The following UBE2F variants were observed in gnomAD, a reference collection of about 807,000 sequenced individuals.
The protein encoded by UBE2F is ubiquitin conjugating enzyme E2 F (putative).
UBE2F carries 5 observed loss-of-function variants against 29.6 expected under a neutral mutation model. The ratio of observed to expected loss-of-function variants is 0.17; its 90% CI spans 0.09 to 0.36. The LOEUF (loss-of-function observed/expected upper bound fraction) is 0.36. Ranked by LOEUF, UBE2F falls within the 10% of genes least tolerant of loss-of-function variation. UBE2F has a pLI of 1.00. For missense variants in UBE2F, 141 were observed against 228.5 expected (o/e 0.62, Z 2.47); for synonymous variants, 66 against 81.8 (o/e 0.81, Z 1.04).
At chr2:237,973,719 A>AGCT in intron 2 of UBE2F, 1 of 1,285,300 alleles carries the variant, frequency 7.8e-7, no homozygotes, top group Non-Finnish European at 1.0e-6. Flanking sequence ...AGTGTTCTAG[A>AGCT]GTTTTCGTGA....
At position 238,042,118 on chromosome 2, in the gene UBE2F, G is replaced by A. The variant is rs538567120; in HGVS notation, c.*780G>A. 2 of 152,260 alleles carry A rather than the reference G, an allele frequency of 1.3e-5. No homozygotes were observed. The highest frequency in any genetic ancestry group is 4.8e-5 in the African/African-American group (2 of 41,452). The allele number at this position is 152,260 out of a possible 1,614,324, so 9.4% of individuals were successfully genotyped here. A position where few individuals can be genotyped will look rare whatever the true frequency, so the allele number is the denominator to read the frequency against. On this transcript the variant is annotated 3_prime_UTR_variant, in exon 10 of 10. Transcript: ENST00000272930. ...CTTAAAAATCAGCTCTTGCTTTCGG[G>A]TCCGGATGTGGTGAGCACATTTTGG... is the stretch of plus-strand genomic sequence containing the variant.
rs34003831 is a variant in UBE2F, at chr2:238,012,044, A to ATTT, written c.215-4506_215-4504dup. ...CAGGCACACACCACCACACCTGGCA[A>ATTT]TTTTTTTTTTTTTTTTTTCTGTGGA... On this transcript the variant is annotated intron_variant, in intron 4 of 9. Coordinates refer to ENST00000272930, the MANE Select transcript of UBE2F (RefSeq NM_080678.3). Among the ~76,000 whole-genome samples the ATTT allele has an allele frequency of 1.0e-3, 137 of 131,476 alleles. 1 individual carries two copies. Among genetic ancestry groups the ATTT allele is most frequent in the African/African-American group, 2.7e-3 (94 of 34,902 alleles). The allele number at this position is 131,476 out of a possible 152,430, so 86.3% of individuals were successfully genotyped here. A position where few individuals can be genotyped will look rare whatever the true frequency, so the allele number is the denominator to read the frequency against.
At chr2:237,985,088 C>T (rs555974654) in intron 2 of UBE2F, among the ~76,000 whole-genome samples, 1 of 152,242 alleles carries the variant, frequency 6.6e-6, no homozygotes, top group African/African-American at 2.4e-5. Context: ...CCTGCCTCGG[C>T]CTCCCAAAGC....
At chr2:238,006,183 C>T (rs528010985) in intron 4 of UBE2F, among the ~76,000 whole-genome samples, 2 of 152,240 alleles carry the variant, frequency 1.3e-5, no homozygotes, top group East Asian at 1.9e-4. Context: ...AAAGTGGAGC[C>T]GGCATATCAC....
intron 3 of UBE2F, among the ~76,000 whole-genome samples, chr2:237,989,928 G>A (rs2063548720): frequency 6.6e-6 from 1 of 151,754 alleles, no homozygotes; most frequent in African/African-American, 2.4e-5. Context: ...AGACCAGCTT[G>A]GTCAACATGA....
chr2:237,988,153 TAAG>T (rs571638667), intron 3 of UBE2F, among the ~76,000 whole-genome samples, 161 bp downstream of exon 3: 146 of 152,242 alleles, frequency 9.6e-4, no homozygotes, highest in African/African-American at 3.4e-3. Flanking sequence ...AAGTGTCTAA[TAAG>T]AACAAGGTAG....
intron 2 of UBE2F, among the ~76,000 whole-genome samples, chr2:237,983,037 G>C (rs1469219087): frequency 6.6e-6 from 1 of 152,170 alleles, no homozygotes; most frequent in Non-Finnish European, 1.5e-5. Flanking sequence ...GTCTCACTAT[G>C]TTACCCAAGC....
At chr2:238,031,245 G>A (rs1269467946) in intron 7 of UBE2F, among the ~76,000 whole-genome samples, 1 of 152,184 alleles carries the variant, frequency 6.6e-6, no homozygotes, top group Non-Finnish European at 1.5e-5. Flanking sequence ...TCTGCAGGTC[G>A]TGCCTCTACC....
rs1488820577 is a variant in UBE2F, at chr2:237,967,975, TGGA to T, written c.-17+851_-17+853del. Among the ~76,000 whole-genome samples, 1 of 151,998 alleles carries T rather than the reference TGGA, an allele frequency of 6.6e-6. No homozygotes were observed. Among genetic ancestry groups the T allele is most frequent in the East Asian group, 1.9e-4 (1 of 5,170 alleles). On this transcript the variant is annotated intron_variant, in intron 1 of 9. Coordinates refer to ENST00000272930, the MANE Select transcript of UBE2F (RefSeq NM_080678.3). The surrounding 1 kb of genome is among the most constrained non-coding windows in gnomAD (Gnocchi z 6.3). ...GTTGGAATAGCCAGAGAAAGCTTCT[TGGA>T]GGAGGAGATGTTGGGATGTAGGTAG...
chr2:237,973,104 A>G lies in UBE2F; in HGVS notation c.-4A>G. ...TGCTGTCTTTCAGGGTAAAGGCAGC[A>G]GTAATGCTAACGCTAGCAAGTAAAC... On this transcript the variant is annotated 5_prime_UTR_variant, in exon 2 of 10. Transcript: ENST00000272930. 6.2e-7 allele frequency: 1 copy of G among 1,611,220 alleles called. No individual in the cohort carries two copies. Among genetic ancestry groups the G allele is most frequent in the Admixed American group, 1.7e-5 (1 of 59,956 alleles).
chr2:238,029,071 A>G (rs941429410), intron 6 of UBE2F: 1 of 152,046 alleles, frequency 6.6e-6, no homozygotes, highest in African/African-American at 2.4e-5. Flanking sequence ...CACTGGAATG[A>G]TCATTTCCAT....
At chr2:237,997,853 G>A (rs948713531) in intron 4 of UBE2F, among the ~76,000 whole-genome samples, 25 of 152,058 alleles carry the variant, frequency 1.6e-4, no homozygotes, top group Non-Finnish European at 2.5e-4. Context: ...GAAAGGGACC[G>A]AATTTAGAAA....
chr2:237,974,523 T>TG (rs1559198930), intron 2 of UBE2F, among the ~76,000 whole-genome samples: 14 of 143,358 alleles, frequency 9.8e-5, no homozygotes, highest in East Asian at 6.2e-4. Flanking sequence ...TTGTTTTTTT[T>TG]TTTTTTTTGA....
At chr2:238,035,403 C>T (rs944491527) in intron 8 of UBE2F, 3 of 174,920 alleles carry the variant, frequency 1.7e-5, no homozygotes, top group African/African-American at 7.2e-5. Context: ...GACATCGTCC[C>T]TATTGGCTGT....
At chr2:238,014,016 C>A (rs916953403) in intron 4 of UBE2F, among the ~76,000 whole-genome samples, 1 of 152,220 alleles carries the variant, frequency 6.6e-6, no homozygotes, top group Non-Finnish European at 1.5e-5. Flanking sequence ...AATGAGTCCA[C>A]TACCTGCCGG....
intron 6 of UBE2F, among the ~76,000 whole-genome samples, chr2:238,027,173 G>T (rs1275449724): frequency 2.0e-5 from 3 of 152,192 alleles, no homozygotes; most frequent in African/African-American, 7.2e-5. Context: ...ATAAAAGCCA[G>T]ACGTCTTAAG....
rs550075369 is a variant in UBE2F, at chr2:238,033,780, T to C, written c.444+1526T>C. Among the ~76,000 whole-genome samples, 6 of 152,368 alleles carry C rather than the reference T, an allele frequency of 3.9e-5. No individual in the cohort carries two copies. In the East Asian group the frequency reaches 1.2e-3, roughly 29 times the overall value. On this transcript the variant is annotated intron_variant, in intron 8 of 9. Transcript: ENST00000272930. ...TGGGAGGTCATACCTGATGGACACC[T>C]GGACTTGACAGTTTCTGCTGGTCTT... is the stretch of plus-strand genomic sequence containing the variant.
intron 2 of UBE2F, among the ~76,000 whole-genome samples, chr2:237,980,304 A>C (rs2063354313): frequency 6.6e-6 from 1 of 152,148 alleles, no homozygotes; most frequent in Non-Finnish European, 1.5e-5. Flanking sequence ...AAAGGACCAT[A>C]GATGGTTTGG....
In UBE2F at chr2:238,025,426, CT is replaced by C. The variant is rs1380503336; in HGVS notation, c.353+18del. On this transcript the variant is annotated intron_variant, in intron 6 of 9. Coordinates refer to ENST00000272930, the MANE Select transcript of UBE2F (RefSeq NM_080678.3). ...AATATGTCTGAGGTGAGTTTATTGT[CT>C]TTTCTTTCTTCTACATTCGTGAGTG... The C allele has an allele frequency of 2.5e-6, 4 of 1,608,378 alleles. No homozygotes were observed. Among genetic ancestry groups the C allele is most frequent in the Non-Finnish European group, 3.4e-6 (4 of 1,175,598 alleles).
Sources: gnomAD v4.1 joint callset for allele counts (sites outside exome capture counted in the v4.1 genomes callset) on GRCh38, gnomAD v4.1.1 for gene constraint, Gnocchi (gnomAD v3.1) non-coding constraint, MANE v1.5 for transcripts, NCBI Gene and HGNC (gene_info 2026-07-23, HGNC 2026-07-21) for gene names.